TRUB1: variants seen among roughly 807,000 people sequenced by gnomAD.
TRUB1 encodes the protein TruB pseudouridine synthase family member 1, also known as pseudouridylate synthase TRUB1.
Under a neutral mutation model 33.9 loss-of-function variants are expected in TRUB1, and 23 were observed. That is an observed-to-expected ratio of 0.68 (90% CI 0.49 to 0.96). The LOEUF is 0.96. Ranked by LOEUF, TRUB1 falls within the 40% of genes least tolerant of loss-of-function variation. The probability of loss-of-function intolerance (pLI) is 0.00; values close to 1 mark genes in which losing one functional copy is unlikely to be tolerated. For missense variants in TRUB1, 378 were observed against 422.2 expected (o/e 0.90, Z 0.92); for synonymous variants, 163 against 165.4 (o/e 0.99, Z 0.11).
chr10:114,956,863 T>G (rs200270311), intron 3 of TRUB1, among the ~76,000 whole-genome samples: 1 of 152,132 alleles, frequency 6.6e-6, no homozygotes, highest in East Asian at 1.9e-4. Flanking sequence ...TCTCAATAAG[T>G]TTTAAGTGTG....
intron 2 of TRUB1, among the ~76,000 whole-genome samples, chr10:114,944,581 C>T (rs1346814990): frequency 6.6e-6 from 1 of 151,990 alleles, no homozygotes; most frequent in Non-Finnish European, 1.5e-5. Flanking sequence ...ATCACTTGAA[C>T]CCAGGAGACA....
chr10:114,960,230 T>C (rs944417930), intron 4 of TRUB1, among the ~76,000 whole-genome samples: 2 of 152,128 alleles, frequency 1.3e-5, no homozygotes, highest in African/African-American at 4.8e-5. Flanking sequence ...ACTTGTCATG[T>C]TTTTGTGCTT....
chr10:114,953,296 C>T (rs1403648884), intron 3 of TRUB1, among the ~76,000 whole-genome samples: 3 of 151,758 alleles, frequency 2.0e-5, no homozygotes, highest in East Asian at 1.9e-4. Context: ...ACCACAGGCA[C>T]GTCTTGTTAC....
At chr10:114,942,583 T>G in intron 1 of TRUB1, 62 bp from the exon 2 acceptor site, 1 of 1,134,682 alleles carries the variant, frequency 8.8e-7, no homozygotes, top group Non-Finnish European at 1.3e-6. Flanking sequence ...CTCCCAAGTT[T>G]ATGAAGATCC....
intron 7 of TRUB1, among the ~76,000 whole-genome samples, chr10:114,974,857 C>A (rs755870470): frequency 2.6e-5 from 4 of 152,040 alleles, no homozygotes; most frequent in Non-Finnish European, 5.9e-5. Flanking sequence ...ATCTTTACTC[C>A]ATGGGGTTGG....
At chr10:114,974,648 T>G (rs2084351952) in intron 7 of TRUB1, among the ~76,000 whole-genome samples, 1 of 152,052 alleles carries the variant, frequency 6.6e-6, no homozygotes, top group Admixed American at 6.6e-5. Context: ...CCAACATCTT[T>G]TCAAGTACAA....
chr10:114,963,814 A>G (rs768437896), intron 4 of TRUB1, among the ~76,000 whole-genome samples: 2 of 152,130 alleles, frequency 1.3e-5, no homozygotes, highest in Non-Finnish European at 2.9e-5. Flanking sequence ...TTTTGTTGCT[A>G]TGTAGTATGC....
chr10:114,953,136 A>T (rs1249522695), intron 3 of TRUB1, among the ~76,000 whole-genome samples: 1 of 152,202 alleles, frequency 6.6e-6, no homozygotes, highest in South Asian at 2.1e-4. Context: ...AATTTCAGGC[A>T]TATTTTCAGA....
At chr10:114,953,952 C>T (rs1370520281) in intron 3 of TRUB1, among the ~76,000 whole-genome samples, 1 of 152,078 alleles carries the variant, frequency 6.6e-6, no homozygotes, top group African/African-American at 2.4e-5. Flanking sequence ...GCCCCACCTC[C>T]AACACTGGGG....
At chr10:114,958,852 G>A (rs553118432) in intron 3 of TRUB1, among the ~76,000 whole-genome samples, 6 of 152,188 alleles carry the variant, frequency 3.9e-5, no homozygotes, top group Non-Finnish European at 8.8e-5. Flanking sequence ...ACACATGGCC[G>A]GGCGTGGTGG....
At chr10:114,970,469 T>C (rs370182848) in intron 5 of TRUB1, 29 bp downstream of exon 5, 2 of 1,501,858 alleles carry the variant, frequency 1.3e-6, no homozygotes, top group Admixed American at 1.7e-5. Flanking sequence ...TTTGGAAAAA[T>C]GTTTACTTTT....
At chr10:114,953,479 T>A (rs2084246275) in intron 3 of TRUB1, among the ~76,000 whole-genome samples, 1 of 152,212 alleles carries the variant, frequency 6.6e-6, no homozygotes, top group Non-Finnish European at 1.5e-5. Flanking sequence ...AAATATTTTT[T>A]CTTTTTTTAA....
chr10:114,955,941 T>A (rs10885638), intron 3 of TRUB1, among the ~76,000 whole-genome samples: 46,254 of 152,194 alleles, frequency 0.3, 8,372 homozygotes, highest in Non-Finnish European at 0.42. Flanking sequence ...TTAAAAAGTG[T>A]TCTTTCTCAT....
intron 4 of TRUB1, among the ~76,000 whole-genome samples, chr10:114,962,486 A>G (rs534982417): frequency 6.6e-6 from 1 of 152,362 alleles, no homozygotes; most frequent in South Asian, 2.1e-4. Flanking sequence ...TTGTCTAGAT[A>G]GGACAAAATG....
chr10:114,953,129 T>A (rs1239295852), intron 3 of TRUB1, among the ~76,000 whole-genome samples: 1 of 152,198 alleles, frequency 6.6e-6, no homozygotes, highest in Non-Finnish European at 1.5e-5. Context: ...ACTTGTAAAT[T>A]TCAGGCATAT....
At chr10:114,971,955 A>G (rs887824359) in intron 5 of TRUB1, among the ~76,000 whole-genome samples, 180 bp from the exon 6 acceptor site, 1 of 152,218 alleles carries the variant, frequency 6.6e-6, no homozygotes, top group Non-Finnish European at 1.5e-5. Context: ...CCATGACAGC[A>G]TTATGGAGTA....
chr10:114,948,187 T>A (rs566380541), intron 2 of TRUB1, among the ~76,000 whole-genome samples: 17 of 152,290 alleles, frequency 1.1e-4, no homozygotes, highest in South Asian at 8.3e-4. Flanking sequence ...GAAAACCCCG[T>A]TATTCATCTG....
Position 114,975,396 on chromosome 10 carries a change from T to A in TRUB1, c.*17T>A, listed in dbSNP as rs367763476. The A allele has an allele frequency of 6.6e-7, 1 of 1,519,196 alleles. No homozygotes were observed. Among genetic ancestry groups the A allele is most frequent in the South Asian group, 1.3e-5 (1 of 75,060 alleles). The allele number at this position is 1,519,196 out of a possible 1,614,324, so 94.1% of individuals were successfully genotyped here. A position where few individuals can be genotyped will look rare whatever the true frequency, so the allele number is the denominator to read the frequency against. On this transcript the variant is annotated 3_prime_UTR_variant, in exon 8 of 8. Transcript: ENST00000298746. Reference sequence around the variant, plus strand: ...ACGTGTTGAGATTGGCCTGGGAATATCATCATTTTCTAGTTGACATTTGAA... The same window carrying A: ...ACGTGTTGAGATTGGCCTGGGAATAACATCATTTTCTAGTTGACATTTGAA...
At chr10:114,960,330 C>T (rs1173500047) in intron 4 of TRUB1, among the ~76,000 whole-genome samples, 1 of 152,172 alleles carries the variant, frequency 6.6e-6, no homozygotes, top group Non-Finnish European at 1.5e-5. Context: ...TTCCTACTAT[C>T]CCTTCTTTCA....
Sources: allele counts gnomAD v4.1 joint callset (sites outside exome capture counted in the v4.1 genomes callset), GRCh38; gene constraint gnomAD v4.1.1; transcripts MANE v1.5; gene names NCBI Gene and HGNC (gene_info 2026-07-23, HGNC 2026-07-21).